The following RNF44 variants were observed in gnomAD, a reference collection of about 807,000 sequenced individuals.
RNF44 encodes the protein ring finger protein 44.
Under a neutral mutation model 53.6 loss-of-function variants are expected in RNF44, and 25 were observed. The observed-to-expected ratio is 0.47, with a 90% CI of 0.34 to 0.65. The LOEUF is 0.65. Among genes scored for constraint, RNF44 ranks in the 30% least tolerant of loss-of-function variants. The pLI, the probability that RNF44 is intolerant of heterozygous loss-of-function variation, is 0.01. For synonymous variants in RNF44, 282 were observed against 252.2 expected, an observed-to-expected ratio of 1.12 and a Z score of -1.12; for missense variants, 581 against 595.5, an observed-to-expected ratio of 0.98 and a Z score of 0.25.
chr5:176,533,885 A>G (rs916081602), intron 1 of RNF44, among the ~76,000 whole-genome samples: 24 of 152,328 alleles, frequency 1.6e-4, no homozygotes, highest in African/African-American at 4.3e-4. Flanking sequence ...TTCCTGCCAC[A>G]GGGAGGCTCG....
chr5:176,537,299 A>T lies in RNF44; in HGVS notation c.-404T>A, dbSNP rs995596200. ...GGCAGCGGAATGTAACAAACCCCAC[A>T]TTTGATTCACAACATTCGAAGCGGC... is the stretch of plus-strand genomic sequence containing the variant. On this transcript the variant is annotated 5_prime_UTR_variant, in exon 1 of 11. An upstream start codon of the reference 5' UTR is lost. Coordinates refer to ENST00000274811, the MANE Select transcript of RNF44 (RefSeq NM_014901.5). The T allele has an allele frequency of 6.6e-6, 1 of 152,086 alleles. No individual in the cohort carries two copies. The highest frequency in any genetic ancestry group is 6.5e-5 in the Admixed American group (1 of 15,276). 9.4% of individuals were successfully genotyped at this position (152,086 alleles called of 1,614,324 possible). A position where few individuals can be genotyped will look rare whatever the true frequency, so the allele number is the denominator to read the frequency against.
At chr5:176,529,115 T>A (rs369801955) in intron 10 of RNF44, 25 bp from the exon 11 acceptor site, 1 of 1,612,524 alleles carries the variant, frequency 6.2e-7, no homozygotes, top group Non-Finnish European at 8.5e-7. Context: ...ACGTCAGGCG[T>A]TGCTCTCACC....
At position 176,527,524 on chromosome 5, in the gene RNF44, T is replaced by C. The variant is rs1755674585; in HGVS notation, c.*1504A>G. On this transcript the variant is annotated 3_prime_UTR_variant, in exon 11 of 11. Transcript: ENST00000274811. ...ATAAATATAGAAACGTCACCTGGAG[T>C]TATATACAGTAAGACTTTGGGTTCT... 1 of 151,790 alleles carries C rather than the reference T, an allele frequency of 6.6e-6. No homozygotes were observed. The highest frequency in any genetic ancestry group is 6.6e-5 in the Admixed American group (1 of 15,208). 9.4% of individuals were successfully genotyped at this position (151,790 alleles called of 1,614,324 possible). A position where few individuals can be genotyped will look rare whatever the true frequency, so the allele number is the denominator to read the frequency against.
chr5:176,530,775 G>C, intron 5 of RNF44, 32 bp from the exon 6 acceptor site: 1 of 1,504,834 alleles, frequency 6.6e-7, no homozygotes, highest in East Asian at 2.7e-5. Flanking sequence ...CAGCAAGTCA[G>C]TGAGACGAGG....
rs1756235706 is a variant in RNF44, at chr5:176,528,406, A to ACGCCCT, written c.*616_*621dup. ...TGCCCCAGCTCGGGATTAGGCTGGG[A>ACGCCCT]CGCCCTCCAGCCTGAGGGTGGGGCT... is the stretch of plus-strand genomic sequence containing the variant. On this transcript the variant is annotated 3_prime_UTR_variant, in exon 11 of 11. Transcript: ENST00000274811. 1 of 152,414 alleles carries ACGCCCT rather than the reference A, an allele frequency of 6.6e-6. No individual in the cohort carries two copies. The highest frequency in any genetic ancestry group is 6.5e-5 in the Admixed American group (1 of 15,286). 9.4% of individuals were successfully genotyped at this position (152,414 alleles called of 1,614,324 possible).
At position 176,537,103 on chromosome 5, in the gene RNF44, G is replaced by C. The variant is rs1757270758; in HGVS notation, c.-208C>G. The C allele has an allele frequency of 6.6e-6, 1 of 152,120 alleles. No individual in the cohort carries two copies. The highest frequency in any genetic ancestry group is 6.5e-5 in the Admixed American group (1 of 15,278). 9.4% of individuals were successfully genotyped at this position (152,120 alleles called of 1,614,324 possible). A position where few individuals can be genotyped will look rare whatever the true frequency, so the allele number is the denominator to read the frequency against. On this transcript the variant is annotated 5_prime_UTR_variant, in exon 1 of 11. Transcript: ENST00000274811. ...CCACCCCCGGGTCCGGGGGCAGCCC[G>C]GCTCCTTCCGGGGCCTCTCTCTTTG...
Position 176,527,085 on chromosome 5 carries a change from T to C in RNF44, c.*1943A>G, listed in dbSNP as rs946663607. The C allele has an allele frequency of 2.0e-5, 3 of 152,266 alleles. No individual in the cohort carries two copies. The highest frequency in any genetic ancestry group is 1.9e-4 in the East Asian group (1 of 5,178). 9.4% of individuals were successfully genotyped at this position (152,266 alleles called of 1,614,324 possible). A position where few individuals can be genotyped will look rare whatever the true frequency, so the allele number is the denominator to read the frequency against. On this transcript the variant is annotated 3_prime_UTR_variant, in exon 11 of 11. Coordinates refer to ENST00000274811, the MANE Select transcript of RNF44 (RefSeq NM_014901.5). ...TTCTACATATATATGTAATTTTATA[T>C]ATATATAAAACCTTTCTAACACAGA...
chr5:176,532,569 C>A, intron 1 of RNF44, 53 bp from the exon 2 acceptor site: 1 of 1,404,244 alleles, frequency 7.1e-7, no homozygotes, highest in Non-Finnish European at 9.4e-7. Flanking sequence ...ATGGTGAAAC[C>A]TCGTCTCTGC....
In RNF44 at chr5:176,531,049, G is replaced by A. The variant is rs760379080; in HGVS notation, c.466-28C>T. On this transcript the variant is annotated intron_variant, in intron 4 of 10. Transcript: ENST00000274811. The surrounding 1 kb of genome is among the most constrained non-coding windows in gnomAD (Gnocchi z 4.2). ...GCCAAGAGAGGGGGCAGGGGGCTGA[G>A]AACGTTCTCCTGGGCTCTGGGCCAG... The A allele has an allele frequency of 7.0e-7, 1 of 1,432,038 alleles. No homozygotes were observed. Among genetic ancestry groups the A allele is most frequent in the African/African-American group, 1.5e-5 (1 of 68,438 alleles). 88.7% of individuals were successfully genotyped at this position (1,432,038 alleles called of 1,614,324 possible).
upstream of RNF44, chr5:176,542,546 A>C (rs1757472301): frequency 1.3e-5 from 2 of 152,240 alleles, no homozygotes; most frequent in Admixed American, 1.3e-4. Context: ...TTCAGTGATG[A>C]AAACCGAGGG....
intron 10 of RNF44, 21 bp downstream of exon 10, chr5:176,529,267 A>G: frequency 6.2e-7 from 1 of 1,600,226 alleles, no homozygotes; most frequent in Non-Finnish European, 8.6e-7. Flanking sequence ...AATACCCAGG[A>G]GCAGACCTGG....
chr5:176,542,055 G>A (rs1173057520), upstream of RNF44, among the ~76,000 whole-genome samples: 1 of 152,216 alleles, frequency 6.6e-6, no homozygotes, highest in Non-Finnish European at 1.5e-5. Context: ...ATGGCGGTGA[G>A]GGCAGGGCGT....
chr5:176,539,837 T>C (rs1281051037), upstream of RNF44, among the ~76,000 whole-genome samples: 1 of 152,216 alleles, frequency 6.6e-6, no homozygotes, highest in Non-Finnish European at 1.5e-5. Flanking sequence ...AAGCTCTTCC[T>C]GCCCGAACTT....
Position 176,532,437 on chromosome 5 carries a change from TG to T in RNF44, c.35del (p.Pro12HisfsTer56), listed in dbSNP as rs765396399. 1.3e-6 allele frequency: 2 copies of T among 1,530,200 alleles called. No homozygotes were observed. 94.8% of individuals were successfully genotyped at this position (1,530,200 alleles called of 1,614,324 possible). On this transcript the variant is annotated frameshift_variant, in exon 2 of 11. Transcript: ENST00000274811. LOFTEE classifies it high-confidence loss of function. The stretch of plus-strand genomic sequence containing the variant: ...GCCGCTGGCCCACGGGGGCGGAGGG[TG>T]GCCACCTAGTCACTGCCAGAGCCCA... ...RPWALAVTRW[P>X]PSAPVGQRRF...
In RNF44 at chr5:176,528,807, G is replaced by A. The variant is rs371465141; in HGVS notation, c.*221C>T. The A allele has an allele frequency of 3.4e-6, 2 of 588,826 alleles. No individual in the cohort carries two copies. Among genetic ancestry groups the A allele is most frequent in the African/African-American group, 3.8e-5 (2 of 52,058 alleles). 36.5% of individuals were successfully genotyped at this position (588,826 alleles called of 1,614,324 possible). A position where few individuals can be genotyped will look rare whatever the true frequency, so the allele number is the denominator to read the frequency against. The stretch of plus-strand genomic sequence containing the variant: ...GGACACTCAGGCAGCTCCGTGGCGG[G>A]CGGGCAGGCAGGCAGACTAGGGAGG... On this transcript the variant is annotated 3_prime_UTR_variant, in exon 11 of 11. Coordinates refer to ENST00000274811, the MANE Select transcript of RNF44 (RefSeq NM_014901.5).
intron 6 of RNF44, 53 bp downstream of exon 6, chr5:176,530,529 G>A: frequency 7.3e-7 from 1 of 1,373,992 alleles, no homozygotes; most frequent in South Asian, 1.8e-5. Context: ...CGGCCCAGCG[G>A]GTCTGCCTCC....
Position 176,531,678 on chromosome 5 carries a change from C to CG in RNF44, c.298-49dup. ...GAAAGTATGAAAAGGAAGCTGACCGCGAGGGCTACTCTCAGGAGAAATCAT... is the reference window on the plus strand; with the variant it reads ...GAAAGTATGAAAAGGAAGCTGACCGCGGAGGGCTACTCTCAGGAGAAATCAT... On this transcript the variant is annotated intron_variant, in intron 3 of 10. Transcript: ENST00000274811. The surrounding 1 kb of genome is among the most constrained non-coding windows in gnomAD (Gnocchi z 4.2). The CG allele has an allele frequency of 6.5e-7, 1 of 1,544,274 alleles. No homozygotes were observed. The highest frequency in any genetic ancestry group is 8.8e-7 in the Non-Finnish European group (1 of 1,137,096).
In RNF44 at chr5:176,530,100, C is replaced by T. The variant is rs1756422161; in HGVS notation, c.908G>A (p.Ser303Asn). ...PPPPPPPYYP[S>N]FLPYFLSMLP... Reference sequence around the variant, plus strand: ...TACTTACAGGAAGTAGGGCAGGAAGCTGGGGTAGTAGGGTGGTGGGGGTGG... The same window carrying T: ...TACTTACAGGAAGTAGGGCAGGAAGTTGGGGTAGTAGGGTGGTGGGGGTGG... Residue 303 changes from serine (S) to asparagine (N), a missense_variant, in exon 7 of 11, where the codon AGC (serine) becomes AAC (asparagine). Physicochemically the swap from Ser to Asn is conservative, Grantham distance 46. Around this residue, in one of 3 missense-constraint regions of RNF44, gnomAD observed 183 missense variants for 198.6 expected, o/e 0.92. Coordinates refer to ENST00000274811, the MANE Select transcript of RNF44 (RefSeq NM_014901.5). 1.4e-6 allele frequency: 1 copy of T among 732,020 alleles called. No homozygotes were observed. The highest frequency in any genetic ancestry group is 1.6e-6 in the Non-Finnish European group (1 of 631,752). 45.3% of individuals were successfully genotyped at this position (732,020 alleles called of 1,614,324 possible).
rs371414251 is a variant in RNF44, at chr5:176,529,138, C to T, written c.1237-48G>A. On this transcript the variant is annotated intron_variant, in intron 10 of 10. Coordinates refer to ENST00000274811, the MANE Select transcript of RNF44 (RefSeq NM_014901.5). Reference sequence around the variant, plus strand: ...CGTTGCTCTCACCAGCCCCAACCCACCACATCTGTGCAGCCACCTGGGGGG... The same window carrying T: ...CGTTGCTCTCACCAGCCCCAACCCATCACATCTGTGCAGCCACCTGGGGGG... The T allele has an allele frequency of 1.9e-4, 300 of 1,606,034 alleles. No homozygotes were observed. In the African/African-American group the frequency reaches 2.8e-3, roughly 15 times the overall value.
Sources: allele counts gnomAD v4.1 joint callset (sites outside exome capture counted in the v4.1 genomes callset), GRCh38; gene constraint gnomAD v4.1.1; regional missense constraint gnomAD v4.1.1; non-coding constraint Gnocchi (gnomAD v3.1); transcripts MANE v1.5; gene names NCBI Gene and HGNC (gene_info 2026-07-23, HGNC 2026-07-21).